Variants in KIAA0825 observed in about 807,000 individuals in gnomAD.
The protein encoded by KIAA0825 is uncharacterized protein KIAA0825.
KIAA0825 carries 119 observed loss-of-function variants against 147.6 expected under a neutral mutation model. The observed-to-expected ratio is 0.81, with a 90% confidence interval of 0.69 to 0.94. The LOEUF (loss-of-function observed/expected upper bound fraction) is 0.94. Ranked by LOEUF, KIAA0825 falls within the 40% of genes least tolerant of loss-of-function variation. The pLI is 0.00. For missense variants in KIAA0825, 1,381 were observed against 1,472.7 expected (o/e 0.94, Z 1.02); for synonymous variants, 470 against 518.1 (o/e 0.91, Z 1.26).
chr5:94,164,703 T>A (rs1005666385), intron 20 of KIAA0825, among the ~76,000 whole-genome samples: 6 of 152,186 alleles, frequency 3.9e-5, no homozygotes, highest in African/African-American at 1.4e-4. Flanking sequence ...GAGCCACACG[T>A]GCCCGGCCTT....
chr5:94,524,168 GC>G, intron 3 of KIAA0825, 70 bp from the exon 4 acceptor site: 1 of 972,738 alleles, frequency 1.0e-6, no homozygotes, highest in Non-Finnish European at 1.5e-6. Flanking sequence ...AATATCACAG[GC>G]CCTGAAATCT....
chr5:94,228,483 C>T (rs556422581), intron 20 of KIAA0825, among the ~76,000 whole-genome samples: 1 of 152,304 alleles, frequency 6.6e-6, no homozygotes, highest in Non-Finnish European at 1.5e-5. Flanking sequence ...TTCCTCCCAC[C>T]TCCTGTTCCT....
intron 20 of KIAA0825, among the ~76,000 whole-genome samples, chr5:94,201,156 G>A (rs892038886): frequency 6.7e-6 from 1 of 150,298 alleles, no homozygotes; most frequent in African/African-American, 2.4e-5. Context: ...GACTCTGAGA[G>A]TGACGCACAG....
chr5:94,267,724 C>T (rs2150138965), intron 20 of KIAA0825, among the ~76,000 whole-genome samples: 1 of 152,274 alleles, frequency 6.6e-6, no homozygotes, highest in Non-Finnish European at 1.5e-5. Flanking sequence ...TCCCTCCTCC[C>T]CAGGCACCTC....
chr5:94,262,928 G>A (rs1019245003), intron 20 of KIAA0825, among the ~76,000 whole-genome samples: 3 of 151,948 alleles, frequency 2.0e-5, no homozygotes, highest in African/African-American at 7.2e-5. Flanking sequence ...CTCTACCTCC[G>A]CACCCTAGGC....
chr5:94,586,494 A>G (rs1273331140), intron 1 of KIAA0825, among the ~76,000 whole-genome samples: 1 of 152,248 alleles, frequency 6.6e-6, no homozygotes, highest in African/African-American at 2.4e-5. Flanking sequence ...AATCAGGAAG[A>G]AGCTGAATCT....
intron 5 of KIAA0825, among the ~76,000 whole-genome samples, chr5:94,485,986 A>G (rs1227049553): frequency 6.6e-6 from 1 of 151,914 alleles, no homozygotes; most frequent in African/African-American, 2.4e-5. Context: ...GTAAAGTCAC[A>G]CTATCATTTT....
chr5:94,563,603 G>C (rs1777985965), intron 2 of KIAA0825, among the ~76,000 whole-genome samples: 2 of 152,158 alleles, frequency 1.3e-5, no homozygotes, highest in South Asian at 4.1e-4. Context: ...AATGACAATT[G>C]TATCTTTGAA....
chr5:94,384,369 T>C lies in KIAA0825; in HGVS notation c.3709A>G (p.Arg1237Gly). Residue 1237 changes from arginine to glycine, a missense_variant and splice_region_variant, in exon 20 of 21, where the codon AGG (arginine) becomes GGG (glycine). Transcript: ENST00000682413. Reference protein sequence around the residue: ...KMTFSVLLKNRWEMKKDETLE... With the variant: ...KMTFSVLLKNGWEMKKDETLE... ...CCCCAAGGTCCCCAATTTTATTACCTGTTTTTGAGCAGCACACTGAAGGTC... is the reference window on the plus strand; with the variant it reads ...CCCCAAGGTCCCCAATTTTATTACCCGTTTTTGAGCAGCACACTGAAGGTC... 1 of 1,551,736 alleles carries C rather than the reference T, an allele frequency of 6.4e-7. No homozygotes were observed. The highest frequency in any genetic ancestry group is 8.7e-7 in the Non-Finnish European group (1 of 1,146,832).
intron 20 of KIAA0825, among the ~76,000 whole-genome samples, chr5:94,312,990 C>T (rs1779317851): frequency 6.6e-6 from 1 of 151,480 alleles, no homozygotes; most frequent in Non-Finnish European, 1.5e-5. Context: ...ATTGAAAATA[C>T]ATAAGTATAC....
At chr5:94,543,174 T>C (rs1039365653) in intron 2 of KIAA0825, among the ~76,000 whole-genome samples, 1 of 152,146 alleles carries the variant, frequency 6.6e-6, no homozygotes, top group Non-Finnish European at 1.5e-5. Context: ...TCAGGTGTAG[T>C]GGCTCATGCC....
chr5:94,429,095 T>A (rs933219043), intron 14 of KIAA0825, among the ~76,000 whole-genome samples: 11 of 152,168 alleles, frequency 7.2e-5, no homozygotes, highest in Admixed American at 7.2e-4. Flanking sequence ...TTTCCTGGAT[T>A]GCTTTAGAAG....
intron 2 of KIAA0825, among the ~76,000 whole-genome samples, chr5:94,537,596 C>T (rs935396483): frequency 1.5e-4 from 22 of 148,408 alleles, no homozygotes; most frequent in Admixed American, 7.4e-4. Context: ...TGCAGTGAGC[C>T]GCGATTGCGC....
Position 94,520,791 on chromosome 5 carries a change from T to C in KIAA0825, c.427A>G (p.Arg143Gly). Residue 143 changes from arginine (R) to glycine (G), a missense_variant, in exon 5 of 21, where the codon AGG (arginine) becomes GGG (glycine). Transcript: ENST00000682413. The stretch of plus-strand genomic sequence containing the variant: ...TCTTCAACAGAATGAAGAGACGTCC[T>C]AGAGAGGAAATGGAAAGATGTTCCA... Reference protein sequence around the residue: ...LSGTSFHFLSRTSLHSVEDNS... With the variant: ...LSGTSFHFLSGTSLHSVEDNS... The C allele has an allele frequency of 6.2e-7, 1 of 1,613,274 alleles. No individual in the cohort carries two copies. Among genetic ancestry groups the C allele is most frequent in the Non-Finnish European group, 8.5e-7 (1 of 1,179,394 alleles).
chr5:94,226,113 A>G lies in KIAA0825; in HGVS notation c.3711-71989T>C, dbSNP rs549275720. ...GGGAGAAAAGTTTTGCCATCTACCC[A>G]TCTGACAAAGGGCTAATATCCAGAA... On this transcript the variant is annotated intron_variant, in intron 20 of 20. Transcript: ENST00000682413. 3.9e-5 allele frequency among the ~76,000 whole-genome samples: 6 copies of G among 152,368 alleles called. No homozygotes were observed. The South Asian group carries it at 1.2e-3, about 32-fold the overall frequency.
intron 5 of KIAA0825, among the ~76,000 whole-genome samples, chr5:94,498,690 C>T (rs1035405863): frequency 5.3e-5 from 8 of 152,196 alleles, no homozygotes; most frequent in Non-Finnish European, 2.9e-5. Flanking sequence ...CTAATGGCTT[C>T]ATTAATTATT....
At chr5:94,441,369 T>C (rs1757059128) in intron 13 of KIAA0825, among the ~76,000 whole-genome samples, 1 of 152,170 alleles carries the variant, frequency 6.6e-6, no homozygotes, top group African/African-American at 2.4e-5. Flanking sequence ...TAGGCAGTGC[T>C]TTCTGAAGCA....
intron 20 of KIAA0825, among the ~76,000 whole-genome samples, chr5:94,235,929 G>GA (rs1156795188): frequency 2.0e-5 from 3 of 152,062 alleles, no homozygotes; most frequent in Non-Finnish European, 4.4e-5. Context: ...CTACTGCTCA[G>GA]AAAAAAAGAT....
At chr5:94,544,804 G>A (rs1481524829) in intron 2 of KIAA0825, among the ~76,000 whole-genome samples, 1 of 152,142 alleles carries the variant, frequency 6.6e-6, no homozygotes, top group African/African-American at 2.4e-5. Context: ...GAGCAAGAAG[G>A]CTGAATAGAA....
Sources: allele counts gnomAD v4.1 joint callset (sites outside exome capture counted in the v4.1 genomes callset), GRCh38; gene constraint gnomAD v4.1.1; transcripts MANE v1.5; gene names NCBI Gene and HGNC (gene_info 2026-07-23, HGNC 2026-07-21).